The following MYCBPAP variants were observed in gnomAD, a reference collection of about 807,000 sequenced individuals.
The protein encoded by MYCBPAP is MYCBP-associated protein.
In MYCBPAP, 60 loss-of-function variants were observed where a neutral mutation model predicts 106.1. The ratio of observed to expected loss-of-function variants is 0.57; its 90% CI spans 0.46 to 0.70. The LOEUF is 0.70. Ranked by LOEUF, MYCBPAP falls within the 30% of genes least tolerant of loss-of-function variation. The probability of loss-of-function intolerance (pLI) is 0.00; values close to 1 mark genes in which losing one functional copy is unlikely to be tolerated. For synonymous variants in MYCBPAP, 407 were observed against 440.6 expected, an observed-to-expected ratio of 0.92 and a Z score of 0.95; for missense variants, 1,064 against 1,169.3, an observed-to-expected ratio of 0.91 and a Z score of 1.31.
At chr17:50,527,179 C>A in intron 14 of MYCBPAP, 108 bp from the exon 15 acceptor site, 1 of 1,489,028 alleles carries the variant, frequency 6.7e-7, no homozygotes, top group Non-Finnish European at 9.2e-7. Flanking sequence ...TAGCTGCATC[C>A]CCTCCTGGTT....
Position 50,523,601 on chromosome 17 carries a change from G to C in MYCBPAP, c.1452G>C (p.Val484=). 6.2e-7 allele frequency: 1 copy of C among 1,614,180 alleles called. No individual in the cohort carries two copies. Among genetic ancestry groups the C allele is most frequent in the Non-Finnish European group, 8.5e-7 (1 of 1,180,024 alleles). The part of the protein sequence containing the change: ...QRFYFDNREG[V]ILPGEIKTFT... ...TCGGGTCTCTGTCCCTCTCAGGTGT[G>C]ATTCTGCCTGGAGAAATTAAAACAT... The change falls in exon 12 of 19, where the codon GTG becomes GTC. Residue 484 remains valine (V), a synonymous_variant. Transcript: ENST00000323776.
At chr17:50,509,046 G>A in intron 1 of MYCBPAP, 1 of 703,018 alleles carries the variant, frequency 1.4e-6, no homozygotes, top group South Asian at 1.5e-5. Flanking sequence ...TCTTAGGGTG[G>A]CATGCAGGAG....
chr17:50,511,859 C>A (rs944389175), intron 1 of MYCBPAP, among the ~76,000 whole-genome samples: 1 of 152,110 alleles, frequency 6.6e-6, no homozygotes, highest in African/African-American at 2.4e-5. Context: ...CTTCCCTGGT[C>A]TCCCCAGCTT....
chr17:50,518,951 G>A (rs370125267), intron 5 of MYCBPAP, 23 bp from the exon 6 acceptor site: 18 of 1,604,340 alleles, frequency 1.1e-5, no homozygotes, highest in East Asian at 2.2e-5. Flanking sequence ...GCAGAGTGGC[G>A]GCAATCTTGC....
chr17:50,508,685 T>C lies in MYCBPAP; in HGVS notation c.11T>C (p.Leu4Pro), dbSNP rs1370010805. MKS[L>P]KKDSRLRITP... Reference sequence around the variant, plus strand: ...GTGCCGGGCGGCACCATGAAGTCTCTAAAGAAGGATTCCCGCCTCAGAATA... The same window carrying C: ...GTGCCGGGCGGCACCATGAAGTCTCCAAAGAAGGATTCCCGCCTCAGAATA... The change falls in exon 1 of 19, where the codon CTA (leucine) becomes CCA (proline). Residue 4 changes from leucine to proline, a missense_variant. Leu to Pro is a moderately conservative substitution (Grantham distance 98). Transcript: ENST00000323776. 1 of 1,607,338 alleles carries C rather than the reference T, an allele frequency of 6.2e-7. No homozygotes were observed. Among genetic ancestry groups the C allele is most frequent in the South Asian group, 1.1e-5 (1 of 90,346 alleles).
rs2034242979 is a variant in MYCBPAP, at chr17:50,521,135, A to G, written c.942A>G (p.Ser314=). Residue 314 remains serine (S), a synonymous_variant, in exon 8 of 19, where the codon TCA becomes TCG. Coordinates refer to ENST00000323776, the MANE Select transcript of MYCBPAP (RefSeq NM_032133.6). ...ETGLPAQRDA[S]YRYTWDRSLF... Reference sequence around the variant, plus strand: ...GATTACCAGCCCAGAGGGACGCTTCATACCGCTACACCTGGGATCGGAGTC... The same window carrying G: ...GATTACCAGCCCAGAGGGACGCTTCGTACCGCTACACCTGGGATCGGAGTC... 1 of 1,613,142 alleles carries G rather than the reference A, an allele frequency of 6.2e-7. No individual in the cohort carries two copies. The highest frequency in any genetic ancestry group is 8.5e-7 in the Non-Finnish European group (1 of 1,179,610).
chr17:50,531,331 G>A lies in MYCBPAP; in HGVS notation c.2729G>A (p.Arg910His), dbSNP rs748211766. The A allele has an allele frequency of 5.2e-5, 84 of 1,610,090 alleles. No homozygotes were observed. Among genetic ancestry groups the A allele is most frequent in the Non-Finnish European group, 5.9e-5 (69 of 1,178,412 alleles). The change falls in exon 19 of 19, where the codon CGT becomes CAT. Residue 910 changes from arginine (R) to histidine (H), a missense_variant. Arg to His is a conservative substitution (Grantham distance 29). Transcript: ENST00000323776. ...GATGTTGTCCCGTTCTTCCAGGTCC[G>A]TGGGCTGCTGGACACCCTGGTGACT... Reference protein sequence around the residue: ...KYTQSLHSEVRGLLDTLVTDL... With the variant: ...KYTQSLHSEVHGLLDTLVTDL...
intron 1 of MYCBPAP, 141 bp from the exon 2 acceptor site, chr17:50,516,429 C>T: frequency 9.6e-7 from 1 of 1,041,472 alleles, no homozygotes; most frequent in Non-Finnish European, 1.3e-6. Flanking sequence ...ACCTTGGCAG[C>T]CTCTGCTATC....
Position 50,522,088 on chromosome 17 carries a change from CA to C in MYCBPAP, c.1257+8del, listed in dbSNP as rs2034279683. ...CAGTAATCCACAGGACAAGGTAAAA[CA>C]GCCTCCACCACACCTGCTGGGAGAG... On this transcript the variant is annotated splice_region_variant and intron_variant, in intron 10 of 18. Coordinates refer to ENST00000323776, the MANE Select transcript of MYCBPAP (RefSeq NM_032133.6). 3 of 1,611,412 alleles carry C rather than the reference CA, an allele frequency of 1.9e-6. No individual in the cohort carries two copies. In the African/African-American group the frequency reaches 4.0e-5, roughly 21 times the overall value.
intron 9 of MYCBPAP, 60 bp downstream of exon 9, chr17:50,521,491 T>C (rs538123655): frequency 7.7e-7 from 1 of 1,295,898 alleles, no homozygotes; most frequent in African/African-American, 1.5e-5. Flanking sequence ...CCTACCAGTA[T>C]TAAAGAGCGG....
chr17:50,522,630 G>A (rs545212263), intron 10 of MYCBPAP: 1 of 146,756 alleles, frequency 6.8e-6, no homozygotes, highest in Non-Finnish European at 1.5e-5. Flanking sequence ...GGAGGCGGGG[G>A]TTGCAGTGAG....
chr17:50,515,186 T>G (rs537815800), intron 1 of MYCBPAP, among the ~76,000 whole-genome samples: 7 of 149,990 alleles, frequency 4.7e-5, no homozygotes, highest in African/African-American at 1.8e-4. Flanking sequence ...TAAACATCCC[T>G]TCCTTAGGAA....
intron 18 of MYCBPAP, 25 bp downstream of exon 18, chr17:50,529,213 T>C: frequency 6.3e-7 from 1 of 1,597,368 alleles, no homozygotes; most frequent in Non-Finnish European, 8.5e-7. Flanking sequence ...CCAGCAGCCA[T>C]TCCCCTGCCT....
intron 17 of MYCBPAP, 57 bp downstream of exon 17, chr17:50,528,897 CGGAGGTGGGGGCTGT>C (rs887139240): frequency 1.3e-6 from 2 of 1,578,750 alleles, no homozygotes; most frequent in Non-Finnish European, 1.7e-6. Flanking sequence ...GGAGGGGCTG[CGGAGGTGGGGGCTGT>C]GGAGGTGGGC....
chr17:50,515,060 T>C (rs2033995144), intron 1 of MYCBPAP: 2 of 226,220 alleles, frequency 8.8e-6, no homozygotes, highest in African/African-American at 2.3e-5. Context: ...CAAAAACACA[T>C]GCTTTGAGTT....
At chr17:50,517,218 A>T in intron 2 of MYCBPAP, 75 bp from the exon 3 acceptor site, 1 of 1,396,668 alleles carries the variant, frequency 7.2e-7, no homozygotes, top group African/African-American at 1.4e-5. Flanking sequence ...ACCCAGAACT[A>T]GAACAGAAGA....
intron 1 of MYCBPAP, chr17:50,509,197 G>A: frequency 2.9e-6 from 2 of 701,214 alleles, no homozygotes; most frequent in Non-Finnish European, 5.2e-6. Flanking sequence ...TGGTAGAGGA[G>A]GGTCGGGGAG....
intron 1 of MYCBPAP, chr17:50,510,495 G>GTATATATATATATATATA (rs1320539341): frequency 2.1e-5 from 2 of 93,054 alleles, no homozygotes; most frequent in East Asian, 2.5e-4. Context: ...GTGTGTGTGT[G>GTATATATATATATATATA]TGTGTATATA....
rs1454598753 is a variant in MYCBPAP at position 50,521,842 on chromosome 17, G to A, written c.1149-131G>A. The A allele has an allele frequency of 4.1e-6, 3 of 737,590 alleles. No individual in the cohort carries two copies. The Admixed American group carries it at 6.7e-5, about 16-fold the overall frequency. The allele number at this position is 737,590 out of a possible 1,614,324, so 45.7% of individuals were successfully genotyped here. On this transcript the variant is annotated intron_variant, in intron 9 of 18. Coordinates refer to ENST00000323776, the MANE Select transcript of MYCBPAP (RefSeq NM_032133.6). ...GTCAGGAGGAAGCTGCGTGGGAGTG[G>A]AGTTGATCATACTCCATTGCAGGGT... is the stretch of plus-strand genomic sequence containing the variant.
Sources: gnomAD v4.1 joint callset for allele counts (sites outside exome capture counted in the v4.1 genomes callset) on GRCh38, gnomAD v4.1.1 for gene constraint, MANE v1.5 for transcripts, NCBI Gene and HGNC (gene_info 2026-07-23, HGNC 2026-07-21) for gene names.